The following USP36 variants were observed in gnomAD, a reference collection of about 807,000 sequenced individuals.
The protein encoded by USP36 is ubiquitin specific peptidase 36, also known as ubiquitin carboxyl-terminal hydrolase 36.
A neutral mutation model predicts 111.5 loss-of-function variants in USP36; 59 were observed. The ratio of observed to expected loss-of-function variants is 0.53; its 90% confidence interval spans 0.43 to 0.66. The LOEUF (loss-of-function observed/expected upper bound fraction) is 0.66. Ranked by LOEUF, USP36 falls within the 30% of genes least tolerant of loss-of-function variation. The pLI, the probability that USP36 is intolerant of heterozygous loss-of-function variation, is 0.00. For missense variants in USP36, 1,488 were observed against 1,468.0 expected, an observed-to-expected ratio of 1.01 and a Z score of -0.22; for synonymous variants, 628 against 581.0, an observed-to-expected ratio of 1.08 and a Z score of -1.16.
Position 78,795,960 on chromosome 17 carries a change from G to C in USP36, c.*1940C>G, listed in dbSNP as rs1399543038. 2 of 152,220 alleles carry C rather than the reference G, an allele frequency of 1.3e-5. No individual in the cohort carries two copies. Among genetic ancestry groups the C allele is most frequent in the African/African-American group, 2.4e-5 (1 of 41,452 alleles). 9.4% of individuals were successfully genotyped at this position (152,220 alleles called of 1,614,324 possible). On this transcript the variant is annotated 3_prime_UTR_variant, in exon 21 of 21. Transcript: ENST00000449938. The surrounding 1 kb of genome is among the most constrained non-coding windows in gnomAD (Gnocchi z 4.5). ...TACTTACATACGTGTACAAGACCTA[G>C]AGTTTGAACTCGTTTTCTGGGCCTC...
upstream of USP36, chr17:78,841,170 C>A (rs1294809599): frequency 2.0e-5 from 3 of 152,328 alleles, no homozygotes; most frequent in Non-Finnish European, 4.4e-5. Context: ...CGCGCCCCCG[C>A]CCCAGAACGG....
At chr17:78,807,814 T>C (rs1273964867) in intron 13 of USP36, among the ~76,000 whole-genome samples, 178 bp from the exon 14 acceptor site, 2 of 152,194 alleles carry the variant, frequency 1.3e-5, no homozygotes, top group East Asian at 3.9e-4. Context: ...ACAATTCTGG[T>C]GTTCTGTGAC....
chr17:78,800,776 C>T (rs1378621117), intron 17 of USP36, among the ~76,000 whole-genome samples: 3 of 152,206 alleles, frequency 2.0e-5, no homozygotes, highest in East Asian at 3.9e-4. Context: ...TGAGCATGAG[C>T]CCTTACTGTG....
At chr17:78,836,458 TG>T in intron 2 of USP36, 86 bp from the exon 3 acceptor site, 1 of 1,508,964 alleles carries the variant, frequency 6.6e-7, no homozygotes. Context: ...TTGGTCATTA[TG>T]GATGCTAGCC....
At chr17:78,787,830 T>C (rs2093548161) in intron 3 of USP36, among the ~76,000 whole-genome samples, 1 of 152,220 alleles carries the variant, frequency 6.6e-6, no homozygotes, top group African/African-American at 2.4e-5. Context: ...CAAGTTAACA[T>C]GAGATCATTA....
In USP36 at chr17:78,806,978, A is replaced by T. The variant is rs369603546; in HGVS notation, c.2066T>A (p.Leu689Gln). 1.9e-6 allele frequency: 3 copies of T among 1,613,968 alleles called. No homozygotes were observed. In the East Asian group the frequency reaches 6.7e-5, roughly 36 times the overall value. Residue 689 changes from leucine (L) to glutamine (Q), a missense_variant, in exon 14 of 21, where the codon CTG becomes CAG. Physicochemically the swap from Leu to Gln is moderately radical, Grantham distance 113. Around this residue, in one of 3 missense-constraint regions of USP36, gnomAD observed 1,073 missense variants for 994.1 expected, o/e 1.08. Coordinates refer to ENST00000449938, the MANE Select transcript of USP36 (RefSeq NM_001385174.1). ...STMSPPPAKK[L>Q]ALSAKKASTL... ...ACCCACCTTCTTGGCAGAAAGGGCC[A>T]GTTTTTTGGCTGGTGGAGGAGACAT...
At chr17:78,810,003 T>C (rs142725072) in intron 13 of USP36, among the ~76,000 whole-genome samples, 1 of 151,988 alleles carries the variant, frequency 6.6e-6, no homozygotes, top group Non-Finnish European at 1.5e-5. Context: ...CACGCCACCA[T>C]GCCCAGCTAA....
At chr17:78,832,416 T>C (rs1283326769) in intron 4 of USP36, among the ~76,000 whole-genome samples, 1 of 152,212 alleles carries the variant, frequency 6.6e-6, no homozygotes, top group Non-Finnish European at 1.5e-5. Context: ...CGTCTCTTCA[T>C]ATGTTCCAAG....
At position 78,798,343 on chromosome 17, in the gene USP36, A is replaced by G. The variant is rs2093663515; in HGVS notation, c.*20+57T>C. ...GCCACACCCCACCACACCCCTACAC[A>G]CATACACGGCACACACACCCCCACC... On this transcript the variant is annotated intron_variant, in intron 20 of 20. Transcript: ENST00000449938. The surrounding 1 kb of genome is among the most constrained non-coding windows in gnomAD (Gnocchi z 5.1). 16 of 1,597,558 alleles carry G rather than the reference A, an allele frequency of 1.0e-5. No individual in the cohort carries two copies. In the Admixed American group the frequency reaches 2.7e-4, roughly 27 times the overall value.
At position 78,827,602 on chromosome 17, in the gene USP36, C is replaced by T. The variant is rs62075631; in HGVS notation, c.587-255G>A. Among the ~76,000 whole-genome samples the T allele has an allele frequency of 0.15, 23,548 of 152,140 alleles. 2,023 individuals carry two copies. Among genetic ancestry groups the T allele is most frequent in the Middle Eastern group, 0.22 (65 of 292 alleles). The stretch of plus-strand genomic sequence containing the variant: ...CACAGACAAGGAAGAACACCAAGCC[C>T]TCAAAAATGTAAAATGCCGGCTGGG... On this transcript the variant is annotated intron_variant, in intron 5 of 20. Transcript: ENST00000449938.
At chr17:78,812,697 GAA>G (rs572009070) in intron 13 of USP36, among the ~76,000 whole-genome samples, 161 bp downstream of exon 13, 1,661 of 52,588 alleles carry the variant, frequency 0.032, 28 homozygotes, top group African/African-American at 0.096. Flanking sequence ...ACTCTGTCTC[GAA>G]AAAAAAAAAA....
upstream of USP36, chr17:78,840,872 G>A (rs1322008011): frequency 6.6e-6 from 1 of 152,314 alleles, no homozygotes; most frequent in Non-Finnish European, 1.5e-5. Flanking sequence ...GCCGCACCCA[G>A]CGTTCGCGCT....
chr17:78,827,339 G>A lies in USP36; in HGVS notation c.595C>T (p.Arg199Ter), dbSNP rs1358653011. The A allele has an allele frequency of 6.8e-6, 11 of 1,611,716 alleles. No homozygotes were observed. The highest frequency in any genetic ancestry group is 1.1e-5 in the South Asian group (1 of 90,826). Reference protein sequence around the residue: ...SFIRDLKKIARHFRFGNQEDA... With the variant: ...SFIRDLKKIA ...TCCTGGTTCCCAAAGCGGAAGTGTC[G>A]GGCGATCTCTAAAAGAGGAAGAAAC... is the stretch of plus-strand genomic sequence containing the variant. The change falls in exon 6 of 21, where the codon CGA (arginine) becomes TGA (stop). Residue 199 changes from arginine to a stop codon, truncating the protein, a stop_gained. Transcript: ENST00000449938. LOFTEE classifies it high-confidence loss of function.
chr17:78,803,664 C>G lies in USP36; in HGVS notation c.2531G>C (p.Arg844Thr). 6.2e-7 allele frequency: 1 copy of G among 1,609,882 alleles called. No homozygotes were observed. Among genetic ancestry groups the G allele is most frequent in the Non-Finnish European group, 8.5e-7 (1 of 1,179,018 alleles). ...CGGGCGCTTCTTCTTCTTCCTCTTCCTCTTCCCGTGGGGAGCCGCAGTGGC... is the reference window on the plus strand; with the variant it reads ...CGGGCGCTTCTTCTTCTTCCTCTTCGTCTTCCCGTGGGGAGCCGCAGTGGC... ...REATAAPHGK[R>T]KRKKKKRPED... is the part of the protein sequence containing the mutation. The change falls in exon 16 of 21, where the codon AGG becomes ACG. Residue 844 changes from arginine to threonine, a missense_variant. Physicochemically the swap from Arg to Thr is moderately conservative, Grantham distance 71. Around this residue, in one of 3 missense-constraint regions of USP36, gnomAD observed 1,073 missense variants for 994.1 expected, o/e 1.08. Coordinates refer to ENST00000449938, the MANE Select transcript of USP36 (RefSeq NM_001385174.1). This position sits in a 1 kb window ranked among gnomAD's most constrained non-coding sequence, Gnocchi z 4.6.
In USP36 at chr17:78,807,238, G is replaced by A. The variant is rs377551507; in HGVS notation, c.1806C>T (p.Ser602=). 472 of 1,613,900 alleles carry A rather than the reference G, an allele frequency of 2.9e-4. No individual in the cohort carries two copies. Among genetic ancestry groups the A allele is most frequent in the Non-Finnish European group, 3.6e-4 (420 of 1,179,970 alleles). ...NGHGLKGNDE[S]AGLDRRGSSS... is the part of the protein sequence containing the mutation. Reference sequence around the variant, plus strand: ...TGGAGCCCCTCCTGTCGAGGCCAGCGCTCTCGTCGTTCCCCTTCAGCCCAT... The same window carrying A: ...TGGAGCCCCTCCTGTCGAGGCCAGCACTCTCGTCGTTCCCCTTCAGCCCAT... Residue 602 remains serine (S), a synonymous_variant, in exon 14 of 21, where the codon AGC becomes AGT. Transcript: ENST00000449938.
At position 78,821,997 on chromosome 17, in the gene USP36, G is replaced by A. The variant is rs1302260052; in HGVS notation, c.697C>T (p.Arg233Cys). The change falls in exon 7 of 21, where the codon CGT (arginine) becomes TGT (cysteine). Residue 233 changes from arginine (R) to cysteine (C), a missense_variant. Transcript: ENST00000449938. Reference sequence around the variant, plus strand: ...ACCAAGGTAGTAGCCTGCGTTTGACGATCCAACCTGAAAAGGAGACCCCAG... The same window carrying A: ...ACCAAGGTAGTAGCCTGCGTTTGACAATCCAACCTGAAAAGGAGACCCCAG... ...ACLNGCAKLD[R>C]QTQATTLVHQ... The A allele has an allele frequency of 6.8e-6, 11 of 1,614,000 alleles. No homozygotes were observed. Among genetic ancestry groups the A allele is most frequent in the Admixed American group, 1.7e-5 (1 of 60,008 alleles).
chr17:78,829,778 T>A (rs1371837184), intron 4 of USP36, among the ~76,000 whole-genome samples: 1 of 152,196 alleles, frequency 6.6e-6, no homozygotes, highest in Non-Finnish European at 1.5e-5. Flanking sequence ...AGTCTCACTG[T>A]CACCCAGGCT....
chr17:78,827,045 C>T (rs1353508949), intron 6 of USP36, 200 bp downstream of exon 6: 2 of 711,676 alleles, frequency 2.8e-6, no homozygotes, highest in Non-Finnish European at 5.1e-6. Context: ...TCTCCGGAGA[C>T]AGCCCTTTCC....
At chr17:78,804,649 AAAAAG>A (rs2093847632) in intron 15 of USP36, among the ~76,000 whole-genome samples, 1 of 149,670 alleles carries the variant, frequency 6.7e-6, no homozygotes, top group Non-Finnish European at 1.5e-5. Flanking sequence ...AAAAAAAAAA[AAAAAG>A]CAAGCCAACA....
Sources: gnomAD v4.1 joint callset for allele counts (sites outside exome capture counted in the v4.1 genomes callset) on GRCh38, gnomAD v4.1.1 for gene constraint, gnomAD v4.1.1 regional missense constraint, Gnocchi (gnomAD v3.1) non-coding constraint, MANE v1.5 for transcripts, NCBI Gene and HGNC (gene_info 2026-07-23, HGNC 2026-07-21) for gene names.